HDC: variants seen among roughly 807,000 people sequenced by gnomAD.
HDC encodes histidine decarboxylase.
In HDC, 27 loss-of-function variants were observed where a neutral mutation model predicts 64.4. That is an observed-to-expected ratio of 0.42 (90% CI 0.31 to 0.58). The LOEUF is 0.58. Ranked by LOEUF, HDC falls within the 20% of genes least tolerant of loss-of-function variation. The pLI is 0.16. For synonymous variants in HDC, 305 were observed against 314.2 expected (o/e 0.97, Z 0.31); for missense variants, 711 against 833.9 (o/e 0.85, Z 1.81).
At chr15:50,246,607 C>T (rs1452649380) in intron 10 of HDC, among the ~76,000 whole-genome samples, 1 of 152,122 alleles carries the variant, frequency 6.6e-6, no homozygotes, top group Non-Finnish European at 1.5e-5. Context: ...ATCGTCAAGT[C>T]CTTGAAAGCC....
At chr15:50,261,586 G>C (rs1232506236) in intron 2 of HDC, among the ~76,000 whole-genome samples, 1 of 141,314 alleles carries the variant, frequency 7.1e-6, no homozygotes, top group Non-Finnish European at 1.5e-5. Flanking sequence ...TTGGAGACCA[G>C]CTTGGGCAAC....
intron 6 of HDC, chr15:50,253,928 A>C (rs1028542724): frequency 6.0e-6 from 4 of 662,192 alleles, no homozygotes; most frequent in African/African-American, 5.4e-5. Context: ...ATTTTATACT[A>C]TATTTCTTTT....
chr15:50,248,376 G>C lies in HDC; in HGVS notation c.1042-33C>G, dbSNP rs770100383. On this transcript the variant is annotated intron_variant, in intron 9 of 11. Coordinates refer to ENST00000267845, the MANE Select transcript of HDC (RefSeq NM_002112.4). The surrounding 1 kb of genome is among the most constrained non-coding windows in gnomAD (Gnocchi z 4.3). ...CAAAGGAACACAGTGCCCAAGGTTA[G>C]AGACAAGGGTGCCCCACTCCCTCGG... 6.7e-7 allele frequency: 1 copy of C among 1,502,856 alleles called. No homozygotes were observed. Among genetic ancestry groups the C allele is most frequent in the East Asian group, 2.3e-5 (1 of 44,372 alleles). 93.1% of individuals were successfully genotyped at this position (1,502,856 alleles called of 1,614,324 possible). A position where few individuals can be genotyped will look rare whatever the true frequency, so the allele number is the denominator to read the frequency against.
chr15:50,244,381 C>A (rs1439794247), intron 10 of HDC, among the ~76,000 whole-genome samples: 1 of 148,652 alleles, frequency 6.7e-6, no homozygotes, highest in Non-Finnish European at 1.5e-5. Context: ...AAGCTCACTG[C>A]AGCCTTGAAC....
intron 5 of HDC, 40 bp downstream of exon 5, chr15:50,254,490 A>C (rs369736176): frequency 9.2e-5 from 148 of 1,613,814 alleles, no homozygotes; most frequent in Admixed American, 8.5e-4. Flanking sequence ...CCAGAAGCCA[A>C]GCACCAACCC....
chr15:50,261,801 C>CTACCT (rs1415666562), intron 2 of HDC, among the ~76,000 whole-genome samples: 10 of 151,790 alleles, frequency 6.6e-5, no homozygotes, highest in African/African-American at 1.7e-4. Flanking sequence ...CCTCCGCCTC[C>CTACCT]CGGGTTCAAG....
intron 2 of HDC, among the ~76,000 whole-genome samples, chr15:50,259,426 A>G (rs142154386): frequency 2.0e-5 from 3 of 152,208 alleles, no homozygotes; most frequent in Non-Finnish European, 4.4e-5. Context: ...TGAGCCCACA[A>G]TCAAAACCGG....
chr15:50,265,572 C>T (rs766572199), intron 1 of HDC, 21 bp downstream of exon 1: 42 of 1,612,154 alleles, frequency 2.6e-5, no homozygotes, highest in Non-Finnish European at 3.4e-5. Flanking sequence ...GGGAAGAGGG[C>T]CAGGGATGCC....
rs1288518883 is a variant in HDC at position 50,254,770 on chromosome 15, CTCTCTCTG to C, written c.442-114_442-107del. 37 of 986,688 alleles carry C rather than the reference CTCTCTCTG, an allele frequency of 3.7e-5. No homozygotes were observed. The African/African-American group carries it at 3.8e-4, about 10-fold the overall frequency. 61.1% of individuals were successfully genotyped at this position (986,688 alleles called of 1,614,324 possible). On this transcript the variant is annotated intron_variant, in intron 4 of 11. Transcript: ENST00000267845. ...TCTCTCTCTCTCTCTCTCTCTCTCT[CTCTCTCTG>C]TGTGTGTATGTGTTTGTGTATGTGT...
intron 7 of HDC, chr15:50,253,359 T>C: frequency 3.5e-6 from 2 of 577,062 alleles, no homozygotes; most frequent in Non-Finnish European, 6.2e-6. Flanking sequence ...GCTCTCCTAC[T>C]GTCGCCTCCT....
In HDC at chr15:50,264,046, A is replaced by T. The variant is rs890648866; in HGVS notation, c.32-639T>A. On this transcript the variant is annotated intron_variant, in intron 1 of 11. Transcript: ENST00000267845. ...TTTCCTTCTCAGAAACAGAACATCT[A>T]TTAACTATTTTATAGGTTCAATAGA... Among the ~76,000 whole-genome samples, 3 of 152,306 alleles carry T rather than the reference A, an allele frequency of 2.0e-5. No individual in the cohort carries two copies. The South Asian group carries it at 6.2e-4, about 32-fold the overall frequency.
Position 50,263,363 on chromosome 15 carries a change from G to T in HDC, c.76C>A (p.Arg26=), listed in dbSNP as rs768687991. 5.0e-6 allele frequency: 8 copies of T among 1,614,096 alleles called. No homozygotes were observed. Among genetic ancestry groups the T allele is most frequent in the Non-Finnish European group, 6.8e-6 (8 of 1,179,992 alleles). Residue 26 remains arginine (R), a synonymous_variant, in exon 2 of 12, where the codon CGG becomes AGG. Transcript: ENST00000267845. Reference sequence around the variant, plus strand: ...ACGTCTGGCGTCACACGTCTCTCCCGCACAGTGCTCAGGTACTGGCAGATG... The same window carrying T: ...ACGTCTGGCGTCACACGTCTCTCCCTCACAGTGCTCAGGTACTGGCAGATG... ...DYICQYLSTV[R]ERRVTPDVQP...
intron 10 of HDC, among the ~76,000 whole-genome samples, chr15:50,243,690 T>C (rs1261419144): frequency 6.6e-6 from 1 of 152,236 alleles, no homozygotes; most frequent in African/African-American, 2.4e-5. Context: ...CACATCAAGT[T>C]GCCATATGGG....
At chr15:50,258,636 G>A in intron 2 of HDC, 119 bp from the exon 3 acceptor site, 1 of 708,992 alleles carries the variant, frequency 1.4e-6, no homozygotes, top group East Asian at 2.7e-5. Context: ...ACACTTTTAA[G>A]CAGAAATAAG....
At chr15:50,245,829 A>G (rs1374636493) in intron 10 of HDC, among the ~76,000 whole-genome samples, 1 of 152,166 alleles carries the variant, frequency 6.6e-6, no homozygotes, top group Non-Finnish European at 1.5e-5. Context: ...TGGGGAGGTC[A>G]AGGCTGCAGT....
intron 6 of HDC, chr15:50,253,929 T>C: frequency 1.5e-6 from 1 of 661,412 alleles, no homozygotes; most frequent in East Asian, 2.7e-5. Flanking sequence ...TTTTATACTA[T>C]ATTTCTTTTT....
intron 3 of HDC, 98 bp downstream of exon 3, chr15:50,258,306 G>A (rs1292266249): frequency 1.4e-6 from 1 of 725,532 alleles, no homozygotes; most frequent in Non-Finnish European, 2.5e-6. Flanking sequence ...TATTTATTGT[G>A]GAGCCATATT....
chr15:50,254,740 C>T (rs771596426), intron 4 of HDC, 76 bp from the exon 5 acceptor site: 2,679 of 104,632 alleles, frequency 0.026, 15 homozygotes, highest in East Asian at 0.077. Flanking sequence ...CTAGTTTTTT[C>T]TCTCTCTCTC....
chr15:50,246,522 G>C (rs1286248484), intron 10 of HDC, among the ~76,000 whole-genome samples: 1 of 152,128 alleles, frequency 6.6e-6, no homozygotes, highest in Non-Finnish European at 1.5e-5. Context: ...TGAAGGACAC[G>C]GGTGAAGGTG....
Sources: allele counts gnomAD v4.1 joint callset (sites outside exome capture counted in the v4.1 genomes callset), GRCh38; gene constraint gnomAD v4.1.1; non-coding constraint Gnocchi (gnomAD v3.1); transcripts MANE v1.5; gene names NCBI Gene and HGNC (gene_info 2026-07-23, HGNC 2026-07-21).